The following NDFIP2 variants were observed in gnomAD, a reference collection of about 807,000 sequenced individuals.
NDFIP2 encodes NEDD4 family-interacting protein 2.
A neutral mutation model predicts 36.0 loss-of-function variants in NDFIP2; 19 were observed. The ratio of observed to expected loss-of-function variants is 0.53; its 90% CI spans 0.37 to 0.77. The LOEUF is 0.77. Ranked by LOEUF, NDFIP2 falls within the 30% of genes least tolerant of loss-of-function variation. NDFIP2 has a pLI of 0.00. For missense variants in NDFIP2, 446 were observed against 435.8 expected (o/e 1.02, Z -0.21); for synonymous variants, 181 against 167.7 (o/e 1.08, Z -0.61).
intron 2 of NDFIP2, among the ~76,000 whole-genome samples, chr13:79,531,610 C>G (rs934092628): frequency 1.3e-5 from 2 of 152,328 alleles, no homozygotes; most frequent in Non-Finnish European, 2.9e-5. Context: ...TCATGTTGCA[C>G]TTTTATGAAG....
chr13:79,517,051 A>G (rs1874375759), intron 1 of NDFIP2, among the ~76,000 whole-genome samples: 1 of 152,202 alleles, frequency 6.6e-6, no homozygotes, highest in Non-Finnish European at 1.5e-5. Context: ...CTCAGTATAT[A>G]TCTATAAAGA....
intron 1 of NDFIP2, among the ~76,000 whole-genome samples, chr13:79,506,555 T>C (rs1873875365): frequency 6.6e-6 from 1 of 152,158 alleles, no homozygotes; most frequent in African/African-American, 2.4e-5. Context: ...TTCTCGTTAG[T>C]TCCCTAGGGT....
chr13:79,524,153 C>CT (rs1380763942), intron 2 of NDFIP2, among the ~76,000 whole-genome samples: 7 of 152,158 alleles, frequency 4.6e-5, no homozygotes, highest in Non-Finnish European at 1.0e-4. Context: ...GTAGATGACT[C>CT]TAATTCTTCC....
intron 2 of NDFIP2, among the ~76,000 whole-genome samples, chr13:79,530,307 G>A (rs1874966500): frequency 6.6e-6 from 1 of 152,064 alleles, no homozygotes; most frequent in African/African-American, 2.4e-5. Context: ...TTTAAAGATG[G>A]AGTCTCCCCA....
In NDFIP2 at chr13:79,520,859, C is replaced by G. The variant is rs772217331; in HGVS notation, c.371C>G (p.Pro124Arg). 6.2e-7 allele frequency: 1 copy of G among 1,614,030 alleles called. No individual in the cohort carries two copies. Among genetic ancestry groups the G allele is most frequent in the Non-Finnish European group, 8.5e-7 (1 of 1,179,918 alleles). The change falls in exon 2 of 8, where the codon CCT becomes CGT. Residue 124 changes from proline to arginine, a missense_variant. Around this residue, in one of 2 missense-constraint regions of NDFIP2, gnomAD observed 369 missense variants for 304.8 expected, o/e 1.21. Coordinates refer to ENST00000218652, the MANE Select transcript of NDFIP2 (RefSeq NM_019080.3). ...NSESSAIEQP[P>R]TSNPAPQIVQ... ...GAATCATCGGCTATAGAGCAGCCAC[C>G]TACTTCAAACCCAGCACCGCAGATT... is the stretch of plus-strand genomic sequence containing the variant.
intron 1 of NDFIP2, among the ~76,000 whole-genome samples, chr13:79,482,799 C>T (rs1026440256): frequency 1.3e-5 from 2 of 152,124 alleles, no homozygotes; most frequent in African/African-American, 2.4e-5. Context: ...GTCCATATTC[C>T]GAATTCTTTG....
At chr13:79,540,975 T>G (rs1273614674) in intron 4 of NDFIP2, among the ~76,000 whole-genome samples, 1 of 152,202 alleles carries the variant, frequency 6.6e-6, no homozygotes, top group Non-Finnish European at 1.5e-5. Context: ...TTTGTAATAT[T>G]AGTCCTGTGA....
chr13:79,488,214 T>G (rs1873094233), intron 1 of NDFIP2, among the ~76,000 whole-genome samples: 1 of 152,210 alleles, frequency 6.6e-6, no homozygotes, highest in Non-Finnish European at 1.5e-5. Flanking sequence ...ATACCAATAC[T>G]CAAATGTGTT....
intron 1 of NDFIP2, among the ~76,000 whole-genome samples, chr13:79,505,698 C>T (rs1873838883): frequency 6.7e-6 from 1 of 150,058 alleles, no homozygotes; most frequent in Admixed American, 6.7e-5. Flanking sequence ...AAATAGAATA[C>T]CATTTTAGAT....
At chr13:79,545,924 CAG>C (rs1566668619) in intron 5 of NDFIP2, among the ~76,000 whole-genome samples, 1 of 152,178 alleles carries the variant, frequency 6.6e-6, no homozygotes, top group Non-Finnish European at 1.5e-5. Context: ...TTTGTAGAGA[CAG>C]GGTTTCACCG....
intron 1 of NDFIP2, among the ~76,000 whole-genome samples, chr13:79,513,962 A>G (rs1874174256): frequency 6.6e-6 from 1 of 152,226 alleles, no homozygotes; most frequent in South Asian, 2.1e-4. Context: ...TGTGCCATAT[A>G]GAGCATGTTG....
At chr13:79,543,500 C>G in intron 4 of NDFIP2, 58 bp from the exon 5 acceptor site, 2 of 1,589,668 alleles carry the variant, frequency 1.3e-6, no homozygotes, top group Non-Finnish European at 1.7e-6. Flanking sequence ...ATTAATATGT[C>G]TATGTTAATT....
intron 5 of NDFIP2, among the ~76,000 whole-genome samples, chr13:79,544,605 T>C (rs1875591007): frequency 6.6e-6 from 1 of 152,056 alleles, no homozygotes; most frequent in African/African-American, 2.4e-5. Flanking sequence ...GTTATACAAT[T>C]AATAAATTAA....
intron 1 of NDFIP2, among the ~76,000 whole-genome samples, chr13:79,488,750 C>T (rs1873115144): frequency 6.6e-6 from 1 of 152,098 alleles, no homozygotes; most frequent in Admixed American, 6.6e-5. Context: ...TGTCTCATGG[C>T]TCATGCTTTG....
chr13:79,544,988 T>C (rs1038241966), intron 5 of NDFIP2, among the ~76,000 whole-genome samples: 2 of 152,140 alleles, frequency 1.3e-5, no homozygotes, highest in Non-Finnish European at 2.9e-5. Flanking sequence ...AGATGTACAG[T>C]GGGTTCCTAA....
intron 1 of NDFIP2, among the ~76,000 whole-genome samples, chr13:79,490,349 C>T (rs559025455): frequency 2.0e-5 from 3 of 152,140 alleles, no homozygotes; most frequent in South Asian, 4.1e-4. Context: ...GTATTAAACC[C>T]CAATCATGGA....
intron 1 of NDFIP2, among the ~76,000 whole-genome samples, chr13:79,518,462 A>T (rs1874435876): frequency 6.6e-6 from 1 of 152,364 alleles, no homozygotes. Flanking sequence ...TTACCAAGAC[A>T]TGGAAAAAGC....
At chr13:79,493,105 G>A (rs893457006) in intron 1 of NDFIP2, among the ~76,000 whole-genome samples, 1 of 152,116 alleles carries the variant, frequency 6.6e-6, no homozygotes, top group Non-Finnish European at 1.5e-5. Context: ...TGTAAACTCA[G>A]TGGGAAGCAG....
intron 6 of NDFIP2, 47 bp from the exon 7 acceptor site, chr13:79,550,970 T>A (rs1306001878): frequency 8.7e-7 from 1 of 1,154,670 alleles, no homozygotes; most frequent in Non-Finnish European, 1.2e-6. Context: ...ATCTTGCCCT[T>A]TTCTGTATAA....
Sources: allele counts gnomAD v4.1 joint callset (sites outside exome capture counted in the v4.1 genomes callset), GRCh38; gene constraint gnomAD v4.1.1; regional missense constraint gnomAD v4.1.1; transcripts MANE v1.5; gene names NCBI Gene and HGNC (gene_info 2026-07-23, HGNC 2026-07-21).